The following RBFOX1 variants were observed in gnomAD, a reference collection of about 807,000 sequenced individuals.
RBFOX1 encodes the protein RNA binding fox-1 homolog 1.
A neutral mutation model predicts 57.7 loss-of-function variants in RBFOX1; 8 were observed. The ratio of observed to expected loss-of-function variants is 0.14; its 90% CI spans 0.08 to 0.25. The LOEUF (loss-of-function observed/expected upper bound fraction) is 0.25, where lower values mean the gene tolerates loss of function less well. Ranked by LOEUF, RBFOX1 falls within the 10% of genes least tolerant of loss-of-function variation. The probability of loss-of-function intolerance (pLI) is 1.00; values close to 1 mark genes in which losing one functional copy is unlikely to be tolerated. For synonymous variants in RBFOX1, 326 were observed against 222.4 expected, an observed-to-expected ratio of 1.47 and a Z score of -4.15; for missense variants, 611 against 548.5, an observed-to-expected ratio of 1.11 and a Z score of -1.14.
chr16:7,471,144 C>G (rs1332554738), intron 4 of RBFOX1, among the ~76,000 whole-genome samples: 1 of 152,042 alleles, frequency 6.6e-6, no homozygotes, highest in Non-Finnish European at 1.5e-5. Flanking sequence ...TGCCATTATT[C>G]TTGGGGGGAT....
intron 2 of RBFOX1, among the ~76,000 whole-genome samples, chr16:6,495,694 G>T (rs1407116825): frequency 6.6e-6 from 1 of 152,138 alleles, no homozygotes; most frequent in African/African-American, 2.4e-5. Context: ...CCAAGACGTA[G>T]ATTTCACAAC....
At chr16:5,890,034 G>T (rs902389451) in intron 4 of RBFOX1, among the ~76,000 whole-genome samples, 1 of 152,192 alleles carries the variant, frequency 6.6e-6, no homozygotes, top group Non-Finnish European at 1.5e-5. Context: ...GACACACGGG[G>T]TGTGTTGACT....
intron 3 of RBFOX1, among the ~76,000 whole-genome samples, chr16:6,879,115 G>C (rs1039610755): frequency 2.6e-5 from 4 of 152,170 alleles, no homozygotes; most frequent in Admixed American, 2.0e-4. Flanking sequence ...ATATATTACA[G>C]TTTGACCTTC....
chr16:5,905,634 G>A (rs1236904896), intron 4 of RBFOX1, among the ~76,000 whole-genome samples: 1 of 152,144 alleles, frequency 6.6e-6, no homozygotes, highest in Non-Finnish European at 1.5e-5. Flanking sequence ...GGTCAAGGCT[G>A]CAGTACGCTG....
intron 3 of RBFOX1, among the ~76,000 whole-genome samples, chr16:6,984,445 C>G (rs931656427): frequency 3.9e-5 from 6 of 152,086 alleles, no homozygotes; most frequent in African/African-American, 1.2e-4. Flanking sequence ...ATCAGGAAAA[C>G]AATATATATC....
At position 6,722,346 on chromosome 16, in the gene RBFOX1, G is replaced by A. The variant is rs555875378; in HGVS notation, c.-16+67696G>A. Among the ~76,000 whole-genome samples the A allele has an allele frequency of 6.6e-5, 10 of 152,240 alleles. No homozygotes were observed. The South Asian group carries it at 8.3e-4, about 13-fold the overall frequency. On this transcript the variant is annotated intron_variant, in intron 3 of 15. Coordinates refer to ENST00000550418, the MANE Select transcript of RBFOX1 (RefSeq NM_018723.4). ...TTTTTGTTTGCTTGTTTGTTTTGGC[G>A]GTAGCCTTTCTAACAGGTGTGAGGA...
intron 4 of RBFOX1, among the ~76,000 whole-genome samples, chr16:6,007,343 A>C (rs1020517704): frequency 3.3e-5 from 5 of 152,214 alleles, no homozygotes; most frequent in Admixed American, 1.3e-4. Context: ...CACTGGAGAT[A>C]CTAACATGAC....
chr16:7,169,506 C>T (rs1456581905), intron 4 of RBFOX1, among the ~76,000 whole-genome samples: 1 of 152,202 alleles, frequency 6.6e-6, no homozygotes, highest in Non-Finnish European at 1.5e-5. Context: ...TGTCTATAGA[C>T]ATGGCCTAAT....
chr16:6,859,111 G>GTATATA lies in RBFOX1; in HGVS notation c.-15-192933_-15-192928dup, dbSNP rs796794349. Among the ~76,000 whole-genome samples the GTATATA allele has an allele frequency of 4.7e-3, 307 of 64,830 alleles. 5 individuals carry two copies. The highest frequency in any genetic ancestry group is 9.8e-3 in the East Asian group (18 of 1,830). 42.5% of individuals were successfully genotyped at this position (64,830 alleles called of 152,430 possible). ...AGTGTTGTATTGTCCTAAAAAAAGT[G>GTATATA]TATATATATATATATATACATATAT... On this transcript the variant is annotated intron_variant, in intron 3 of 15. Coordinates refer to ENST00000550418, the MANE Select transcript of RBFOX1 (RefSeq NM_018723.4).
At chr16:7,532,348 A>G (rs2080311412) in intron 5 of RBFOX1, among the ~76,000 whole-genome samples, 1 of 152,110 alleles carries the variant, frequency 6.6e-6, no homozygotes, top group Non-Finnish European at 1.5e-5. Context: ...CTTCGGGGAG[A>G]TGAGCCCCAG....
chr16:6,352,733 C>T (rs1035069463), intron 2 of RBFOX1, among the ~76,000 whole-genome samples: 6 of 152,206 alleles, frequency 3.9e-5, no homozygotes, highest in African/African-American at 1.4e-4. Context: ...GCAGCTAAAA[C>T]TTTTCAATCC....
In RBFOX1 at chr16:5,817,701, T is replaced by A. The variant is rs796842483; in HGVS notation, c.319-49602T>A. On this transcript the variant is annotated intron_variant, in intron 3 of 19. Transcript: ENST00000641259. ...CAGTGATGGGTCTTGTGGGCTGTAT[T>A]TTTTTTTTTTTTTGAGACGGAGTCT... is the stretch of plus-strand genomic sequence containing the variant. 6.9e-4 allele frequency among the ~76,000 whole-genome samples: 38 copies of A among 55,416 alleles called. No individual in the cohort carries two copies. The East Asian group carries it at 0.028, about 41-fold the overall frequency. The allele number at this position is 55,416 out of a possible 152,430, so 36.4% of individuals were successfully genotyped here. A position where few individuals can be genotyped will look rare whatever the true frequency, so the allele number is the denominator to read the frequency against.
At chr16:6,895,029 C>G (rs1312489990) in intron 3 of RBFOX1, among the ~76,000 whole-genome samples, 1 of 152,168 alleles carries the variant, frequency 6.6e-6, no homozygotes, top group African/African-American at 2.4e-5. Flanking sequence ...GTTCATCCTT[C>G]TTACCAGCTT....
intron 4 of RBFOX1, among the ~76,000 whole-genome samples, chr16:5,984,259 A>G (rs1161479024): frequency 7.1e-6 from 1 of 141,290 alleles, no homozygotes; most frequent in African/African-American, 2.7e-5. Context: ...AAAAGTCCCT[A>G]TTTCTTTTCT....
chr16:6,515,000 C>T (rs576032959), intron 2 of RBFOX1, among the ~76,000 whole-genome samples: 2 of 151,980 alleles, frequency 1.3e-5, no homozygotes, highest in South Asian at 2.1e-4. Flanking sequence ...AGAGAAATAA[C>T]AGTGTAGTAT....
rs118073079 is a variant in RBFOX1 at position 5,464,881 on chromosome 16, G to C, written c.220-2335G>C. Among the ~76,000 whole-genome samples the C allele has an allele frequency of 4.5e-3, 682 of 152,288 alleles. 7 individuals carry two copies. Among genetic ancestry groups the C allele is most frequent in the African/African-American group, 0.015 (635 of 41,562 alleles). On this transcript the variant is annotated intron_variant, in intron 1 of 2. Coordinates refer to the RBFOX1 transcript ENST00000585867. ...AGGGTGTGGCTCTAGGAGCCCAGGA[G>C]GAAGGTCTGTATCTGTTCAGCCCCT...
At chr16:5,956,674 A>ATTTTTT (rs1479571823) in intron 4 of RBFOX1, among the ~76,000 whole-genome samples, 6,163 of 88,784 alleles carry the variant, frequency 0.069, 334 homozygotes, top group East Asian at 0.22. Flanking sequence ...ATATATATAT[A>ATTTTTT]TATATTTTTT....
chr16:5,994,090 G>T (rs909638351), intron 4 of RBFOX1, among the ~76,000 whole-genome samples: 4 of 152,168 alleles, frequency 2.6e-5, no homozygotes, highest in African/African-American at 7.2e-5. Flanking sequence ...ATGGGGGCTC[G>T]TTCGACTCTC....
chr16:5,448,003 TTTAA>T (rs2068303223), intron 1 of RBFOX1, among the ~76,000 whole-genome samples: 1 of 152,186 alleles, frequency 6.6e-6, no homozygotes, highest in African/African-American at 2.4e-5. Flanking sequence ...TCACTTCCTG[TTTAA>T]TTAATTGAAT....
Sources: allele counts gnomAD v4.1 joint callset (sites outside exome capture counted in the v4.1 genomes callset), GRCh38; gene constraint gnomAD v4.1.1; transcripts MANE v1.5; gene names NCBI Gene and HGNC (gene_info 2026-07-23, HGNC 2026-07-21).